The following NR3C1 variants were observed in gnomAD, a reference collection of about 807,000 sequenced individuals.
NR3C1 encodes glucocorticoid receptor.
A neutral mutation model predicts 74.0 loss-of-function variants in NR3C1; 14 were observed. That is an observed-to-expected ratio of 0.19 (90% CI 0.12 to 0.30). The LOEUF (loss-of-function observed/expected upper bound fraction) is 0.30. Ranked by LOEUF, NR3C1 falls within the 10% of genes least tolerant of loss-of-function variation. The pLI, the probability that NR3C1 is intolerant of heterozygous loss-of-function variation, is 1.00. For missense variants in NR3C1, 695 were observed against 909.8 expected, an observed-to-expected ratio of 0.76 and a Z score of 3.04; for synonymous variants, 308 against 332.5, an observed-to-expected ratio of 0.93 and a Z score of 0.80.
rs143701376 is a variant in NR3C1, at chr5:143,331,863, C to G, written c.1185-17695G>C. Among the ~76,000 whole-genome samples, 970 of 152,252 alleles carry G rather than the reference C, an allele frequency of 6.4e-3. 13 individuals carry two copies. The highest frequency in any genetic ancestry group is 0.021 in the African/African-American group (887 of 41,528). ...TTCCTGGGTGATGAAATAATCTGTA[C>G]AGCAAACCCCTGTGGCACAAAATTT... On this transcript the variant is annotated intron_variant, in intron 2 of 8. Transcript: ENST00000394464.
At chr5:143,410,093 A>T (rs1281512869) in intron 1 of NR3C1, among the ~76,000 whole-genome samples, 1 of 152,224 alleles carries the variant, frequency 6.6e-6, no homozygotes, top group Non-Finnish European at 1.5e-5. Context: ...TAGAGCAAGC[A>T]CACTGAATAA....
intron 2 of NR3C1, among the ~76,000 whole-genome samples, chr5:143,358,826 G>A (rs1334129817): frequency 1.3e-5 from 2 of 150,102 alleles, no homozygotes; most frequent in Non-Finnish European, 3.0e-5. Flanking sequence ...CTTAAACCCG[G>A]GAGGCAGAGG....
intron 2 of NR3C1, among the ~76,000 whole-genome samples, chr5:143,346,164 T>C (rs1829250483): frequency 6.6e-6 from 1 of 152,258 alleles, no homozygotes; most frequent in Admixed American, 6.5e-5. Context: ...AAGTTAGAGA[T>C]AATCAGCAAG....
intron 2 of NR3C1, among the ~76,000 whole-genome samples, chr5:143,348,128 G>A (rs938424597): frequency 3.3e-5 from 5 of 152,176 alleles, no homozygotes; most frequent in Admixed American, 2.6e-4. Flanking sequence ...AGTTGTGATG[G>A]TGGATTACCT....
At position 143,280,001 on chromosome 5, in the gene NR3C1, A is replaced by C. The variant is rs1335156618; in HGVS notation, c.*1888T>G. The C allele has an allele frequency of 6.6e-6, 1 of 152,616 alleles. No homozygotes were observed. The highest frequency in any genetic ancestry group is 2.4e-5 in the African/African-American group (1 of 41,452). 9.5% of individuals were successfully genotyped at this position (152,616 alleles called of 1,614,324 possible). On this transcript the variant is annotated 3_prime_UTR_variant, in exon 9 of 9. Transcript: ENST00000394464. Reference sequence around the variant, plus strand: ...GAAGGGTGGTCAGAATGGGAGGCAGAGGATAACTTCCTCTGTAATCTCACT... The same window carrying C: ...GAAGGGTGGTCAGAATGGGAGGCAGCGGATAACTTCCTCTGTAATCTCACT...
At chr5:143,409,444 A>G (rs1015396047) in intron 1 of NR3C1, among the ~76,000 whole-genome samples, 1 of 152,204 alleles carries the variant, frequency 6.6e-6, no homozygotes, top group African/African-American at 2.4e-5. Flanking sequence ...AATGGGAACC[A>G]TGTATACGTG....
chr5:143,300,225 T>C lies in NR3C1; in HGVS notation c.1747+260A>G, dbSNP rs142748784. Among the ~76,000 whole-genome samples, 2 of 152,346 alleles carry C rather than the reference T, an allele frequency of 1.3e-5. No individual in the cohort carries two copies. The highest frequency in any genetic ancestry group is 1.9e-4 in the East Asian group (1 of 5,190). ...GTGTAAAAGGAGTTTTGAGTGAGTC[T>C]TGTAACTTGAATTCTGATATTACAT... On this transcript the variant is annotated intron_variant, in intron 5 of 8. Coordinates refer to ENST00000394464, the MANE Select transcript of NR3C1 (RefSeq NM_000176.3). The surrounding 1 kb of genome is among the most constrained non-coding windows in gnomAD (Gnocchi z 5.2).
upstream of NR3C1, chr5:143,405,023 G>C: frequency 1.5e-6 from 1 of 670,534 alleles, no homozygotes; most frequent in South Asian, 6.7e-5. Context: ...GGGAACTCGT[G>C]GTCCGTCCTG....
At chr5:143,374,287 T>C (rs1351602723) in intron 2 of NR3C1, among the ~76,000 whole-genome samples, 1 of 151,852 alleles carries the variant, frequency 6.6e-6, no homozygotes, top group East Asian at 1.9e-4. Flanking sequence ...GGTCAGGAGA[T>C]CGGGACCATC....
chr5:143,392,519 G>C (rs919206152), intron 2 of NR3C1, among the ~76,000 whole-genome samples: 1 of 149,054 alleles, frequency 6.7e-6, no homozygotes, highest in Non-Finnish European at 1.5e-5. Flanking sequence ...AGGTTTCCTG[G>C]TTTTTTTTTT....
intron 2 of NR3C1, chr5:143,333,049 G>C: frequency 6.3e-7 from 1 of 1,594,184 alleles, no homozygotes; most frequent in Non-Finnish European, 8.5e-7. Context: ...GGCTTCATTT[G>C]CTTGGAAGAC....
At chr5:143,360,274 T>C (rs1341097058) in intron 2 of NR3C1, among the ~76,000 whole-genome samples, 2 of 152,252 alleles carry the variant, frequency 1.3e-5, no homozygotes, top group Non-Finnish European at 2.9e-5. Context: ...CTAATATTTG[T>C]AAACTTAATA....
intron 4 of NR3C1, 83 bp downstream of exon 4, chr5:143,310,014 T>C: frequency 1.0e-6 from 1 of 994,822 alleles, no homozygotes; most frequent in South Asian, 1.3e-5. Flanking sequence ...TAATTACATC[T>C]GCTTACGTGT....
At chr5:143,285,123 A>G (rs1015640894) in intron 7 of NR3C1, among the ~76,000 whole-genome samples, 4 of 151,470 alleles carry the variant, frequency 2.6e-5, no homozygotes, top group Non-Finnish European at 5.9e-5. Context: ...AGGTACACAA[A>G]GAAAGGCCTC....
chr5:143,326,644 T>C (rs568459081), intron 2 of NR3C1, among the ~76,000 whole-genome samples: 3 of 152,318 alleles, frequency 2.0e-5, no homozygotes, highest in Admixed American at 6.5e-5. Context: ...TATTCAACCC[T>C]GGAATTTTTG....
intron 2 of NR3C1, among the ~76,000 whole-genome samples, chr5:143,327,323 T>C (rs1307993809): frequency 6.6e-6 from 1 of 152,028 alleles, no homozygotes; most frequent in Non-Finnish European, 1.5e-5. Context: ...CCCCCCATGA[T>C]CCAACTGCCT....
At chr5:143,416,242 G>T (rs146766216) in intron 1 of NR3C1, among the ~76,000 whole-genome samples, 1 of 152,086 alleles carries the variant, frequency 6.6e-6, no homozygotes, top group African/African-American at 2.4e-5. Context: ...TGGTCCATGC[G>T]CTTATGGTGG....
intron 7 of NR3C1, among the ~76,000 whole-genome samples, chr5:143,286,881 T>C (rs764830458): frequency 2.6e-5 from 4 of 152,012 alleles, no homozygotes; most frequent in African/African-American, 4.8e-5. Context: ...AGAAGACTTA[T>C]TGGAGTCATT....
At chr5:143,343,517 T>C (rs917802540) in intron 2 of NR3C1, among the ~76,000 whole-genome samples, 5 of 152,316 alleles carry the variant, frequency 3.3e-5, no homozygotes, top group Admixed American at 3.3e-4. Context: ...CCCCATTATA[T>C]AGACAAAGAA....
Sources: gnomAD v4.1 joint callset for allele counts (sites outside exome capture counted in the v4.1 genomes callset) on GRCh38, gnomAD v4.1.1 for gene constraint, Gnocchi (gnomAD v3.1) non-coding constraint, MANE v1.5 for transcripts, NCBI Gene and HGNC (gene_info 2026-07-23, HGNC 2026-07-21) for gene names.